Variants in ATPSCKMT observed in about 807,000 individuals in gnomAD.
The protein encoded by ATPSCKMT is ATP synthase c subunit lysine N-methyltransferase.
In ATPSCKMT, 24 loss-of-function variants were observed where a neutral mutation model predicts 24.3. The ratio of observed to expected loss-of-function variants is 0.99; its 90% CI spans 0.71 to 1.39. ATPSCKMT has a LOEUF of 1.39. ATPSCKMT is among the 40% of genes most tolerant of loss of function. The pLI, the probability that ATPSCKMT is intolerant of heterozygous loss-of-function variation, is 0.00. For synonymous variants in ATPSCKMT, 95 were observed against 110.5 expected, an observed-to-expected ratio of 0.86 and a Z score of 0.88; for missense variants, 311 against 298.4, an observed-to-expected ratio of 1.04 and a Z score of -0.31.
chr5:10,249,014 G>C (rs1321630900), intron 1 of ATPSCKMT, among the ~76,000 whole-genome samples: 1 of 152,096 alleles, frequency 6.6e-6, no homozygotes, highest in African/African-American at 2.4e-5. Context: ...GGTGGCTCAG[G>C]CCCAACACTT....
At chr5:10,234,846 T>C (rs1744301803) in intron 4 of ATPSCKMT, among the ~76,000 whole-genome samples, 2 of 152,236 alleles carry the variant, frequency 1.3e-5, no homozygotes, top group Admixed American at 1.3e-4. Context: ...GAATGATCAA[T>C]TCAGAGGGAA....
In ATPSCKMT at chr5:10,236,477, C is replaced by T. The variant is rs777118611; in HGVS notation, c.444+1G>A. The T allele has an allele frequency of 5.6e-6, 9 of 1,613,902 alleles. No homozygotes were observed. The Admixed American group carries it at 1.0e-4, about 18-fold the overall frequency. On this transcript the variant is annotated splice_donor_variant, in intron 3 of 4. Transcript: ENST00000511437. LOFTEE classifies it high-confidence loss of function. ...CTAGGGCCATTCTCTGCCTTACATACCTTCCACAAATCTGAAATATAAAAT... is the reference window on the plus strand; with the variant it reads ...CTAGGGCCATTCTCTGCCTTACATATCTTCCACAAATCTGAAATATAAAAT...
At chr5:10,239,964 C>T (rs748322310) in intron 1 of ATPSCKMT, among the ~76,000 whole-genome samples, 7 of 152,058 alleles carry the variant, frequency 4.6e-5, no homozygotes, top group Admixed American at 1.3e-4. Flanking sequence ...TGGTGGTTCA[C>T]GCCTGTAATC....
chr5:10,240,104 G>C (rs1403085035), intron 1 of ATPSCKMT, among the ~76,000 whole-genome samples: 1 of 151,598 alleles, frequency 6.6e-6, no homozygotes, highest in African/African-American at 2.4e-5. Flanking sequence ...CGTGGTGGCG[G>C]GCGCCTGTAG....
chr5:10,233,813 T>G (rs1744259936), intron 4 of ATPSCKMT, among the ~76,000 whole-genome samples: 1 of 152,200 alleles, frequency 6.6e-6, no homozygotes, highest in African/African-American at 2.4e-5. Context: ...TCCAAAAAGC[T>G]AACAATTCCA....
intron 4 of ATPSCKMT, among the ~76,000 whole-genome samples, chr5:10,231,268 G>A: frequency 6.6e-6 from 1 of 152,166 alleles, no homozygotes; most frequent in East Asian, 1.9e-4. Flanking sequence ...AGCTAGTCCT[G>A]TGGATTTTAT....
chr5:10,226,030 C>T lies in ATPSCKMT; in HGVS notation c.*1411G>A, dbSNP rs1743862431. ...CTGGAGCTACTGAAAAAGGGACAGA[C>T]ACTAGCTGCCAAAAACCTGGCTGAA... On this transcript the variant is annotated 3_prime_UTR_variant, in exon 5 of 5. Coordinates refer to ENST00000511437, the MANE Select transcript of ATPSCKMT (RefSeq NM_199133.4). Among the ~76,000 whole-genome samples, 1 of 152,210 alleles carries T rather than the reference C, an allele frequency of 6.6e-6. No individual in the cohort carries two copies. Among genetic ancestry groups the T allele is most frequent in the African/African-American group, 2.4e-5 (1 of 41,444 alleles).
At chr5:10,244,133 T>A (rs1435520580) in intron 1 of ATPSCKMT, among the ~76,000 whole-genome samples, 1 of 152,168 alleles carries the variant, frequency 6.6e-6, no homozygotes, top group East Asian at 1.9e-4. Context: ...GAATGGCCAG[T>A]GCAGCAGTAG....
intron 1 of ATPSCKMT, chr5:10,249,309 G>C (rs987062315): frequency 1.4e-4 from 21 of 151,488 alleles, no homozygotes; most frequent in Non-Finnish European, 2.9e-5. Flanking sequence ...GCATCAGGCT[G>C]TGTAACTGTT....
At chr5:10,239,768 C>T (rs1322029678) in intron 1 of ATPSCKMT, among the ~76,000 whole-genome samples, 1 of 152,102 alleles carries the variant, frequency 6.6e-6, no homozygotes, top group Non-Finnish European at 1.5e-5. Context: ...AATTATTACC[C>T]AATTTCAAGT....
At chr5:10,232,878 T>A (rs1002700283) in intron 4 of ATPSCKMT, among the ~76,000 whole-genome samples, 1 of 152,248 alleles carries the variant, frequency 6.6e-6, no homozygotes, top group African/African-American at 2.4e-5. Flanking sequence ...GCAAGGCTGA[T>A]CTGCTCTGCA....
chr5:10,249,067 A>G (rs766055096), intron 1 of ATPSCKMT, among the ~76,000 whole-genome samples: 8 of 152,104 alleles, frequency 5.3e-5, no homozygotes, highest in Admixed American at 4.6e-4. Context: ...CAGCCGTTCG[A>G]GACCAGCCTG....
chr5:10,237,094 G>A, intron 2 of ATPSCKMT: 3 of 1,138,216 alleles, frequency 2.6e-6, no homozygotes, highest in Non-Finnish European at 3.5e-6. Context: ...GTTAATGACT[G>A]TTTACTCAAA....
intron 2 of ATPSCKMT, chr5:10,236,843 G>C: frequency 6.8e-7 from 1 of 1,472,670 alleles, no homozygotes; most frequent in Non-Finnish European, 9.0e-7. Flanking sequence ...TTCACCTCAA[G>C]TATCAGAATA....
intron 4 of ATPSCKMT, among the ~76,000 whole-genome samples, chr5:10,234,379 A>G (rs1477099647): frequency 6.6e-6 from 1 of 152,256 alleles, no homozygotes; most frequent in Admixed American, 6.5e-5. Flanking sequence ...TTTTAAAAGT[A>G]AAGAATATGG....
Position 10,227,203 on chromosome 5 carries a change from T to G in ATPSCKMT, c.*238A>C. The G allele has an allele frequency of 2.0e-6, 1 of 510,368 alleles. No homozygotes were observed. Among genetic ancestry groups the G allele is most frequent in the East Asian group, 3.6e-5 (1 of 27,634 alleles). The allele number at this position is 510,368 out of a possible 1,614,324, so 31.6% of individuals were successfully genotyped here. On this transcript the variant is annotated 3_prime_UTR_variant, in exon 5 of 5. Coordinates refer to ENST00000511437, the MANE Select transcript of ATPSCKMT (RefSeq NM_199133.4). ...ACCATGACCATCACTTATTCATCTT[T>G]TCATGCATCCAGGTGCATGGAAAGG... is the stretch of plus-strand genomic sequence containing the variant.
At chr5:10,239,948 CG>C (rs1744549173) in intron 1 of ATPSCKMT, among the ~76,000 whole-genome samples, 1 of 151,980 alleles carries the variant, frequency 6.6e-6, no homozygotes, top group Non-Finnish European at 1.5e-5. Flanking sequence ...AAAATAAGGC[CG>C]GGCGTGGTGG....
At chr5:10,236,744 A>G (rs11133605) in intron 2 of ATPSCKMT, 129 bp from the exon 3 acceptor site, 694,926 of 1,463,496 alleles carry the variant, frequency 0.47, 171,456 homozygotes, top group Non-Finnish European at 0.51. Context: ...CTAAGACATC[A>G]TTTTAAAATG....
Position 10,239,164 on chromosome 5 carries a change from AACGGCAAACAG to A in ATPSCKMT, c.198_208del (p.Leu68ThrfsTer8), listed in dbSNP as rs762509310. On this transcript the variant is annotated frameshift_variant, in exon 2 of 5. Coordinates refer to ENST00000511437, the MANE Select transcript of ATPSCKMT (RefSeq NM_199133.4). LOFTEE classifies it high-confidence loss of function. ...AATCTGCTTCGTAGTTGCAGGTACA[AACGGCAAACAG>A]ACTTTTCGAAGGGCTGGCGTTACAA... The A allele has an allele frequency of 1.9e-6, 3 of 1,614,180 alleles. No homozygotes were observed. The highest frequency in any genetic ancestry group is 1.7e-6 in the Non-Finnish European group (2 of 1,180,038).
Sources: gnomAD v4.1 joint callset for allele counts (sites outside exome capture counted in the v4.1 genomes callset) on GRCh38, gnomAD v4.1.1 for gene constraint, MANE v1.5 for transcripts, NCBI Gene and HGNC (gene_info 2026-07-23, HGNC 2026-07-21) for gene names.